ADORA2B: variants seen among roughly 807,000 people sequenced by gnomAD.
ADORA2B encodes adenosine receptor A2b.
ADORA2B carries 18 observed loss-of-function variants against 20.8 expected under a neutral mutation model. That is an observed-to-expected ratio of 0.87 (90% CI 0.60 to 1.29). The LOEUF is 1.29. Among genes scored for constraint, ADORA2B ranks in the 50% most tolerant of loss-of-function variants. The pLI is 0.00. For synonymous variants in ADORA2B, 179 were observed against 178.3 expected (o/e 1.00, Z -0.03); for missense variants, 441 against 422.7 (o/e 1.04, Z -0.38).
the ADORA2B span, among the ~76,000 whole-genome samples, chr17:15,896,222 T>G: frequency 0.091 from 13,791 of 152,220 alleles, 779 homozygotes; most frequent in South Asian, 0.23. Flanking sequence ...AGAAATTATC[T>G]ACTCGAGCTA....
intron 1 of ADORA2B, chr17:15,974,393 T>G (rs1597432955): frequency 5.9e-6 from 2 of 337,460 alleles, no homozygotes; most frequent in Middle Eastern, 8.4e-4. Context: ...CATTGAGGAC[T>G]TACAGTACTC....
At chr17:15,959,932 T>C (rs1444112127) in intron 1 of ADORA2B, among the ~76,000 whole-genome samples, 1 of 152,250 alleles carries the variant, frequency 6.6e-6, no homozygotes, top group Non-Finnish European at 1.5e-5. Context: ...TTTAATATGT[T>C]CCTTTAATCT....
intron 1 of ADORA2B, among the ~76,000 whole-genome samples, chr17:15,973,654 T>C (rs1308709335): frequency 2.0e-5 from 3 of 152,206 alleles, no homozygotes; most frequent in Non-Finnish European, 4.4e-5. Flanking sequence ...GCGCTCCTTA[T>C]GAGAATCTAA....
intron 1 of ADORA2B, among the ~76,000 whole-genome samples, chr17:15,960,698 C>T (rs1489328086): frequency 2.0e-5 from 3 of 151,684 alleles, no homozygotes; most frequent in South Asian, 2.1e-4. Context: ...GGTGAAACCC[C>T]GTCTCTACTA....
chr17:15,877,979 G>A, the ADORA2B span, among the ~76,000 whole-genome samples: 4 of 151,744 alleles, frequency 2.6e-5, no homozygotes, highest in Non-Finnish European at 4.4e-5. Context: ...TTTCTTTTTC[G>A]TTGTCAGTTA....
At chr17:15,923,531 A>G in the ADORA2B span, among the ~76,000 whole-genome samples, 1 of 151,588 alleles carries the variant, frequency 6.6e-6, no homozygotes, top group Non-Finnish European at 1.5e-5. Context: ...CAACCTCCCG[A>G]GTAGCAGAGA....
the ADORA2B span, among the ~76,000 whole-genome samples, chr17:15,855,035 T>G: frequency 6.6e-6 from 1 of 152,018 alleles, no homozygotes; most frequent in South Asian, 2.1e-4. Flanking sequence ...GTTCAAGCAA[T>G]TCTCCTGCCT....
At position 15,975,273 on chromosome 17, in the gene ADORA2B, C is replaced by G; in HGVS notation, c.930C>G (p.Leu310=). Residue 310 remains leucine, a synonymous_variant, in exon 2 of 2, where the codon CTC becomes CTG. Transcript: ENST00000304222. ...ACAAAATTATCTCCAGGTATCTTCT[C>G]TGCCAAGCAGATGTCAAGAGTGGGA... ...TFHKIISRYL[L]CQADVKSGNG... is the part of the protein sequence containing the mutation. 5.6e-6 allele frequency: 9 copies of G among 1,613,702 alleles called. No homozygotes were observed. The highest frequency in any genetic ancestry group is 7.6e-6 in the Non-Finnish European group (9 of 1,180,038).
At chr17:15,945,658 T>G in intron 1 of ADORA2B, 75 bp downstream of exon 1, 13 of 1,332,466 alleles carry the variant, frequency 9.8e-6, no homozygotes, top group Non-Finnish European at 1.2e-5. Context: ...CAGGCCGGGG[T>G]TCCTCCCTCG....
the ADORA2B span, among the ~76,000 whole-genome samples, chr17:15,922,844 G>A: frequency 2.0e-5 from 3 of 152,160 alleles, no homozygotes; most frequent in African/African-American, 7.2e-5. Context: ...CCCACAGAGT[G>A]TGCTATCAGA....
intron 1 of ADORA2B, among the ~76,000 whole-genome samples, chr17:15,962,895 A>G (rs948343865): frequency 3.3e-5 from 5 of 152,160 alleles, no homozygotes; most frequent in African/African-American, 7.2e-5. Context: ...GAGTGTTCCT[A>G]TTGTTTTTGA....
rs145278430 is a variant in ADORA2B at position 15,964,251 on chromosome 17, A to G, written c.336-10428A>G. On this transcript the variant is annotated intron_variant, in intron 1 of 1. Coordinates refer to ENST00000304222, the MANE Select transcript of ADORA2B (RefSeq NM_000676.4). ...AAGAATGGTTTTATTTGTTCCTTAA[A>G]TGTTTGGCAGAATTAGTGAAATCAT... is the stretch of plus-strand genomic sequence containing the variant. 2.4e-3 allele frequency among the ~76,000 whole-genome samples: 370 copies of G among 152,278 alleles called. 1 individual carries two copies. The highest frequency in any genetic ancestry group is 8.5e-3 in the African/African-American group (352 of 41,548).
chr17:15,937,662 T>C, the ADORA2B span, among the ~76,000 whole-genome samples: 7 of 152,030 alleles, frequency 4.6e-5, no homozygotes, highest in Admixed American at 2.6e-4. Flanking sequence ...AACCTCTACC[T>C]CCCAGGTTCA....
At chr17:15,946,602 G>A (rs1969809900) in intron 1 of ADORA2B, among the ~76,000 whole-genome samples, 1 of 152,214 alleles carries the variant, frequency 6.6e-6, no homozygotes, top group Non-Finnish European at 1.5e-5. Context: ...CATTTATTGG[G>A]TGCCAACTCT....
At chr17:15,861,639 C>T in the ADORA2B span, among the ~76,000 whole-genome samples, 1 of 152,140 alleles carries the variant, frequency 6.6e-6, no homozygotes, top group African/African-American at 2.4e-5. Context: ...TTAAGGAGGA[C>T]TTTGGCAGGG....
chr17:15,901,698 C>A, the ADORA2B span, among the ~76,000 whole-genome samples: 2 of 152,122 alleles, frequency 1.3e-5, no homozygotes, highest in African/African-American at 2.4e-5. Context: ...ATGCCCTCAA[C>A]CATGGTGACA....
chr17:15,887,949 A>G, the ADORA2B span, among the ~76,000 whole-genome samples: 2 of 46,494 alleles, frequency 4.3e-5, no homozygotes, highest in East Asian at 1.1e-3. Context: ...CCAAGACTCC[A>G]TCAAAAAAAA....
chr17:15,967,358 GA>G (rs2151606857), intron 1 of ADORA2B, among the ~76,000 whole-genome samples: 1 of 152,052 alleles, frequency 6.6e-6, no homozygotes, highest in African/African-American at 2.4e-5. Context: ...TCAGCCTCAT[GA>G]ATAGCTGGGA....
the ADORA2B span, among the ~76,000 whole-genome samples, chr17:15,935,702 T>G: frequency 6.6e-6 from 1 of 152,128 alleles, no homozygotes; most frequent in African/African-American, 2.4e-5. Context: ...TAATGATATC[T>G]CCAAGGTCTC....
Sources: allele counts gnomAD v4.1 joint callset (sites outside exome capture counted in the v4.1 genomes callset), GRCh38; gene constraint gnomAD v4.1.1; transcripts MANE v1.5; gene names NCBI Gene and HGNC (gene_info 2026-07-23, HGNC 2026-07-21).